Variants in PSD2 observed in about 807,000 individuals in gnomAD.
The protein encoded by PSD2 is PH and SEC7 domain-containing protein 2.
In PSD2, 38 loss-of-function variants were observed where a neutral mutation model predicts 69.8. The observed-to-expected ratio is 0.54, with a 90% CI of 0.42 to 0.71. PSD2 has a LOEUF of 0.71. Among genes scored for constraint, PSD2 ranks in the 30% least tolerant of loss-of-function variants. The pLI is 0.00. For missense variants in PSD2, 943 were observed against 1,014.5 expected (o/e 0.93, Z 0.96); for synonymous variants, 412 against 423.0 (o/e 0.97, Z 0.32).
At chr5:139,828,298 G>A (rs547546406) in intron 7 of PSD2, among the ~76,000 whole-genome samples, 1 of 152,246 alleles carries the variant, frequency 6.6e-6, no homozygotes, top group South Asian at 2.1e-4. Flanking sequence ...AGGGGTGGGT[G>A]GGAGAAGTCA....
chr5:139,748,911 G>GGGGA, the PSD2 span, among the ~76,000 whole-genome samples: 7 of 152,284 alleles, frequency 4.6e-5, no homozygotes, highest in South Asian at 1.5e-3. Flanking sequence ...GTATGTTGGG[G>GGGGA]GGGGTGAATA....
At chr5:139,831,198 G>A (rs1342589885) in intron 7 of PSD2, among the ~76,000 whole-genome samples, 1 of 152,024 alleles carries the variant, frequency 6.6e-6, no homozygotes, top group Non-Finnish European at 1.5e-5. Flanking sequence ...GTCTAGTAAT[G>A]CTTCTTGCCT....
chr5:139,771,969 C>T, the PSD2 span, among the ~76,000 whole-genome samples: 1 of 152,186 alleles, frequency 6.6e-6, no homozygotes. Context: ...GCTTCTGTCT[C>T]CTCGCTCCCA....
chr5:139,744,178 C>T, the PSD2 span, among the ~76,000 whole-genome samples: 1 of 152,178 alleles, frequency 6.6e-6, no homozygotes, highest in Non-Finnish European at 1.5e-5. Context: ...GCCCAGAAGG[C>T]CTGACTTGTC....
upstream of PSD2, among the ~76,000 whole-genome samples, chr5:139,794,641 C>T (rs1302957733): frequency 6.6e-6 from 1 of 152,116 alleles, no homozygotes; most frequent in African/African-American, 2.4e-5. Context: ...TGTGGATCAT[C>T]TGCTGAGGTC....
At chr5:139,817,301 G>A (rs1181971624) in intron 4 of PSD2, among the ~76,000 whole-genome samples, 180 bp from the exon 5 acceptor site, 2 of 149,700 alleles carry the variant, frequency 1.3e-5, no homozygotes, top group Admixed American at 6.6e-5. Flanking sequence ...CCTCCAGAAA[G>A]CCTTCCTGAC....
chr5:139,830,559 TTCC>T (rs1464580357), intron 7 of PSD2, among the ~76,000 whole-genome samples: 7 of 139,076 alleles, frequency 5.0e-5, no homozygotes, highest in African/African-American at 1.8e-4. Flanking sequence ...CCTTCCTTCC[TTCC>T]TTCCTTTCTT....
chr5:139,805,639 G>T (rs1759785165), intron 1 of PSD2, among the ~76,000 whole-genome samples: 1 of 152,198 alleles, frequency 6.6e-6, no homozygotes, highest in Non-Finnish European at 1.5e-5. Context: ...CCTTTCTCAG[G>T]AGGCAGTGTT....
chr5:139,809,549 G>C lies in PSD2; in HGVS notation c.109G>C (p.Glu37Gln), dbSNP rs1759899936. The change falls in exon 2 of 15, where the codon GAG becomes CAG. Residue 37 changes from glutamate (E) to glutamine (Q), a missense_variant. By Grantham distance (29) the Glu-to-Gln change is conservative. Transcript: ENST00000274710. ...AGGGGTCCGGAATGGGATGGCCAGT[G>C]AGGGCCTGAACAGCAGCCTCTGCAG... is the stretch of plus-strand genomic sequence containing the variant. Reference protein sequence around the residue: ...EPGVRNGMASEGLNSSLCSPG... With the variant: ...EPGVRNGMASQGLNSSLCSPG... The C allele has an allele frequency of 6.2e-7, 1 of 1,613,686 alleles. No homozygotes were observed. The highest frequency in any genetic ancestry group is 1.3e-5 in the African/African-American group (1 of 74,942).
At chr5:139,762,382 G>T in the PSD2 span, among the ~76,000 whole-genome samples, 3 of 146,890 alleles carry the variant, frequency 2.0e-5, no homozygotes, top group Admixed American at 1.3e-4. Flanking sequence ...TTGCTCTGTT[G>T]CCCAGGCTGG....
intron 7 of PSD2, 137 bp from the exon 8 acceptor site, chr5:139,833,565 A>C: frequency 2.9e-6 from 2 of 691,630 alleles, no homozygotes; most frequent in Non-Finnish European, 5.3e-6. Flanking sequence ...TCTTGGAGAC[A>C]AAAGAAAATT....
chr5:139,842,638 G>A lies in PSD2; in HGVS notation c.*164G>A, dbSNP rs897462806. 1.9e-5 allele frequency: 12 copies of A among 636,762 alleles called. No individual in the cohort carries two copies. The highest frequency in any genetic ancestry group is 2.7e-5 in the East Asian group (1 of 36,464). 39.4% of individuals were successfully genotyped at this position (636,762 alleles called of 1,614,324 possible). On this transcript the variant is annotated 3_prime_UTR_variant, in exon 15 of 15. Coordinates refer to ENST00000274710, the MANE Select transcript of PSD2 (RefSeq NM_032289.4). Reference sequence around the variant, plus strand: ...AGGAGATGGAGATGCCGTTTGTGGCGTTGATCTCCTTGCGTCCTTGGGCAT... The same window carrying A: ...AGGAGATGGAGATGCCGTTTGTGGCATTGATCTCCTTGCGTCCTTGGGCAT...
At chr5:139,762,319 A>C in the PSD2 span, among the ~76,000 whole-genome samples, 1 of 151,806 alleles carries the variant, frequency 6.6e-6, no homozygotes, top group Admixed American at 6.6e-5. Context: ...TTGGGATTAC[A>C]GGCATGAACC....
rs904846922 is a variant in PSD2, at chr5:139,822,651, A to C, written c.1211-75A>C. The C allele has an allele frequency of 7.3e-6, 10 of 1,374,314 alleles. No individual in the cohort carries two copies. The African/African-American group carries it at 1.3e-4, about 18-fold the overall frequency. The allele number at this position is 1,374,314 out of a possible 1,614,324, so 85.1% of individuals were successfully genotyped here. A position where few individuals can be genotyped will look rare whatever the true frequency, so the allele number is the denominator to read the frequency against. ...CTCCCTCTGTGTCCAAGGTCTCCTG[A>C]CGGGTTCCGTCAGGAGACAGGGAGT... On this transcript the variant is annotated intron_variant, in intron 6 of 14. Transcript: ENST00000274710.
chr5:139,807,594 A>G (rs1426979955), intron 1 of PSD2, among the ~76,000 whole-genome samples: 1 of 152,090 alleles, frequency 6.6e-6, no homozygotes, highest in Non-Finnish European at 1.5e-5. Flanking sequence ...TTTTTTTTAA[A>G]GTAAAAGTCT....
intron 2 of PSD2, among the ~76,000 whole-genome samples, chr5:139,810,908 T>C (rs1162418652): frequency 6.6e-6 from 1 of 152,008 alleles, no homozygotes; most frequent in Non-Finnish European, 1.5e-5. Context: ...CTGATGGTCT[T>C]CAAGCTCCCA....
In PSD2 at chr5:139,822,108, C is replaced by T. The variant is rs545226447; in HGVS notation, c.1210+103C>T. On this transcript the variant is annotated intron_variant, in intron 6 of 14. Coordinates refer to ENST00000274710, the MANE Select transcript of PSD2 (RefSeq NM_032289.4). ...CTGGCACTTCGGTCCTGTTGCCAGGCCCAGATGGTTTGTCCTCTCTGGCAT... is the reference window on the plus strand; with the variant it reads ...CTGGCACTTCGGTCCTGTTGCCAGGTCCAGATGGTTTGTCCTCTCTGGCAT... The T allele has an allele frequency of 1.5e-4, 98 of 665,350 alleles. No individual in the cohort carries two copies. The East Asian group carries it at 2.7e-3, about 18-fold the overall frequency. The allele number at this position is 665,350 out of a possible 1,614,324, so 41.2% of individuals were successfully genotyped here.
chr5:139,776,246 C>T, the PSD2 span, among the ~76,000 whole-genome samples: 1 of 152,230 alleles, frequency 6.6e-6, no homozygotes, highest in Non-Finnish European at 1.5e-5. Context: ...CTCTGGGCAT[C>T]GGGCCCAAGT....
the PSD2 span, among the ~76,000 whole-genome samples, chr5:139,789,843 G>A: frequency 7.2e-5 from 11 of 152,118 alleles, no homozygotes; most frequent in Non-Finnish European, 1.3e-4. Context: ...AAAAGAAGGC[G>A]GGGAAATGGG....
Sources: gnomAD v4.1 joint callset for allele counts (sites outside exome capture counted in the v4.1 genomes callset) on GRCh38, gnomAD v4.1.1 for gene constraint, MANE v1.5 for transcripts, NCBI Gene and HGNC (gene_info 2026-07-23, HGNC 2026-07-21) for gene names.